Variants in PANK1 observed in about 807,000 individuals in gnomAD.
PANK1 encodes pantothenate kinase 1.
A neutral mutation model predicts 40.1 loss-of-function variants in PANK1; 18 were observed. The observed-to-expected ratio is 0.45, with a 90% CI of 0.31 to 0.67. The LOEUF is 0.67. Among genes scored for constraint, PANK1 ranks in the 30% least tolerant of loss-of-function variants. The probability of loss-of-function intolerance (pLI) is 0.06; values close to 1 mark genes in which losing one functional copy is unlikely to be tolerated. For synonymous variants in PANK1, 242 were observed against 237.7 expected (o/e 1.02, Z -0.17); for missense variants, 457 against 599.6 (o/e 0.76, Z 2.48).
At chr10:89,637,829 A>G (rs1841864936) in intron 1 of PANK1, among the ~76,000 whole-genome samples, 1 of 152,214 alleles carries the variant, frequency 6.6e-6, no homozygotes, top group Admixed American at 6.5e-5. Context: ...GACTCTTGTA[A>G]TAACACTTGG....
At chr10:89,617,568 C>T (rs915166453) in intron 1 of PANK1, among the ~76,000 whole-genome samples, 2 of 152,178 alleles carry the variant, frequency 1.3e-5, no homozygotes, top group Non-Finnish European at 2.9e-5. Flanking sequence ...TCCTTCCCAA[C>T]AAATAGAATG....
intron 1 of PANK1, among the ~76,000 whole-genome samples, chr10:89,630,772 C>T (rs762573107): frequency 2.6e-5 from 4 of 152,208 alleles, no homozygotes; most frequent in African/African-American, 9.6e-5. Context: ...AATTACAGGC[C>T]TGAGCCACTG....
chr10:89,610,840 C>A (rs1190061284), intron 2 of PANK1, among the ~76,000 whole-genome samples: 1 of 152,194 alleles, frequency 6.6e-6, no homozygotes, highest in East Asian at 1.9e-4. Flanking sequence ...TTTTGTTTAT[C>A]TAGCTTCCCT....
chr10:89,624,620 G>A lies in PANK1; in HGVS notation c.293-12572C>T, dbSNP rs184071163. Among the ~76,000 whole-genome samples the A allele has an allele frequency of 2.6e-5, 4 of 152,200 alleles. No individual in the cohort carries two copies. In the East Asian group the frequency reaches 7.7e-4, roughly 29 times the overall value. ...AGCAACTTAAATTTTACTATTTAGT[G>A]CAACTAAATTTTAAAGTCAAAGTTT... On this transcript the variant is annotated intron_variant, in intron 1 of 6. Coordinates refer to ENST00000307534, the MANE Select transcript of PANK1 (RefSeq NM_148977.3).
At chr10:89,643,622 C>T in intron 1 of PANK1, 2 of 1,155,568 alleles carry the variant, frequency 1.7e-6, no homozygotes, top group Non-Finnish European at 1.3e-6. Context: ...CCAAAACCTA[C>T]TTAACAATTT....
At chr10:89,593,098 C>A in intron 5 of PANK1, 99 bp downstream of exon 5, 1 of 1,226,760 alleles carries the variant, frequency 8.2e-7, no homozygotes, top group Non-Finnish European at 1.2e-6. Context: ...GGAAGCTTTC[C>A]TAAGGATATG....
At chr10:89,590,572 G>A (rs1449495330) in intron 5 of PANK1, among the ~76,000 whole-genome samples, 1 of 152,088 alleles carries the variant, frequency 6.6e-6, no homozygotes, top group Non-Finnish European at 1.5e-5. Flanking sequence ...ATACTCACAT[G>A]TAGGCAAAAT....
intron 5 of PANK1, among the ~76,000 whole-genome samples, chr10:89,590,092 T>C (rs1027314530): frequency 1.4e-5 from 2 of 145,426 alleles, no homozygotes; most frequent in African/African-American, 5.0e-5. Context: ...TATGGAAGAA[T>C]TGGAAAAAAA....
At chr10:89,589,072 T>C (rs1844290325) in intron 5 of PANK1, among the ~76,000 whole-genome samples, 2 of 152,184 alleles carry the variant, frequency 1.3e-5, no homozygotes, top group African/African-American at 2.4e-5. Context: ...CATACGTATA[T>C]ATACAATTTT....
intron 1 of PANK1, among the ~76,000 whole-genome samples, chr10:89,630,491 GTTTT>G (rs202200905): frequency 7.5e-6 from 1 of 132,554 alleles, no homozygotes; most frequent in Non-Finnish European, 1.6e-5. Context: ...CTAATGTGCA[GTTTT>G]TTTGTTTTTT....
chr10:89,645,013 G>A lies in PANK1; in HGVS notation c.-122C>T, dbSNP rs760497438. 1 of 1,566,886 alleles carries A rather than the reference G, an allele frequency of 6.4e-7. No individual in the cohort carries two copies. Among genetic ancestry groups the A allele is most frequent in the Non-Finnish European group, 8.6e-7 (1 of 1,160,394 alleles). The stretch of plus-strand genomic sequence containing the variant: ...CTTCCGATTCAGCAGCCGCAGAGCC[G>A]GCGCCTGGGGATGGCGAACCCGGCG... On this transcript the variant is annotated 5_prime_UTR_variant, in exon 1 of 7. Coordinates refer to ENST00000307534, the MANE Select transcript of PANK1 (RefSeq NM_148977.3).
chr10:89,621,020 G>C (rs1183772920), intron 1 of PANK1, among the ~76,000 whole-genome samples: 2 of 152,194 alleles, frequency 1.3e-5, no homozygotes, highest in Non-Finnish European at 2.9e-5. Context: ...TCCTTGTTAA[G>C]GCCGGGTGCG....
At chr10:89,626,627 T>C (rs1489767218) in intron 1 of PANK1, 2 of 152,202 alleles carry the variant, frequency 1.3e-5, no homozygotes, top group African/African-American at 2.4e-5. Context: ...TCATCAGAAG[T>C]AGTCCCTGGA....
chr10:89,614,026 T>C (rs755598165), intron 1 of PANK1: 1 of 456,712 alleles, frequency 2.2e-6, no homozygotes, highest in South Asian at 1.5e-5. Flanking sequence ...CATGAATTCC[T>C]TAAGAAATAC....
rs1842061699 is a variant in PANK1, at chr10:89,644,652, G to A, written c.240C>T (p.Ala80=). Residue 80 remains alanine, a synonymous_variant, in exon 1 of 7, where the codon GCC becomes GCT. Coordinates refer to ENST00000307534, the MANE Select transcript of PANK1 (RefSeq NM_148977.3). ...QPLLPQHDSP[A]KKCRLRRRMD... ...TCCTCCTCCGCAGCCGGCATTTCTT[G>A]GCCGGGGAGTCATGCTGAGGGAGCA... is the stretch of plus-strand genomic sequence containing the variant. The A allele has an allele frequency of 3.2e-6, 5 of 1,581,190 alleles. No individual in the cohort carries two copies. Among genetic ancestry groups the A allele is most frequent in the Non-Finnish European group, 4.3e-6 (5 of 1,169,620 alleles).
intron 1 of PANK1, among the ~76,000 whole-genome samples, chr10:89,630,731 A>T (rs548921131): frequency 1.3e-5 from 2 of 152,230 alleles, no homozygotes; most frequent in Admixed American, 1.3e-4. Flanking sequence ...TGACCTCGTG[A>T]TCCGCCCGCC....
chr10:89,611,916 G>C lies in PANK1; in HGVS notation c.425C>G (p.Ser142Cys), dbSNP rs999969127. The C allele has an allele frequency of 6.2e-7, 1 of 1,614,172 alleles. No homozygotes were observed. The highest frequency in any genetic ancestry group is 8.5e-7 in the Non-Finnish European group (1 of 1,180,030). Residue 142 changes from serine to cysteine, a missense_variant, in exon 2 of 7, where the codon TCT becomes TGT. Physicochemically the swap from Ser to Cys is moderately radical, Grantham distance 112 (BLOSUM62 -1). This residue lies in a region of PANK1 where 286 missense variants were observed against 415.8 expected (regional missense o/e 0.69). Transcript: ENST00000307534. ...CCCAGTTTTCCCATAAGCAGTATTA[G>C]AAGTCAAATACTTCCGGATGCTCTT... ...NLKSIRKYLT[S>C]NTAYGKTGIR...
At chr10:89,584,518 GT>G (rs1222462640) in intron 6 of PANK1, 53 bp from the exon 7 acceptor site, 2 of 1,183,208 alleles carry the variant, frequency 1.7e-6, no homozygotes, top group Non-Finnish European at 2.5e-6. Context: ...AATATGTATT[GT>G]TTTTAATAAT....
intron 1 of PANK1, among the ~76,000 whole-genome samples, chr10:89,643,531 A>G (rs1408359947): frequency 6.6e-6 from 1 of 152,238 alleles, no homozygotes; most frequent in Non-Finnish European, 1.5e-5. Flanking sequence ...AATCCAATAC[A>G]GAAAAGCTAA....
Sources: gnomAD v4.1 joint callset for allele counts (sites outside exome capture counted in the v4.1 genomes callset) on GRCh38, gnomAD v4.1.1 for gene constraint, gnomAD v4.1.1 regional missense constraint, MANE v1.5 for transcripts, NCBI Gene and HGNC (gene_info 2026-07-23, HGNC 2026-07-21) for gene names.